The following UNC13B variants were observed in gnomAD, a reference collection of about 807,000 sequenced individuals.
UNC13B encodes unc-13 homolog B.
In UNC13B, 144 loss-of-function variants were observed where a neutral mutation model predicts 211.0. That is an observed-to-expected ratio of 0.68 (90% CI 0.60 to 0.78). UNC13B has a LOEUF of 0.78. Among genes scored for constraint, UNC13B ranks in the 30% least tolerant of loss-of-function variants. The pLI, the probability that UNC13B is intolerant of heterozygous loss-of-function variation, is 0.00. For synonymous variants in UNC13B, 709 were observed against 725.8 expected, an observed-to-expected ratio of 0.98 and a Z score of 0.37; for missense variants, 1,777 against 2,002.0, an observed-to-expected ratio of 0.89 and a Z score of 2.14.
intron 13 of UNC13B, chr9:35,371,839 T>C (rs1834146257): frequency 6.5e-6 from 1 of 152,686 alleles, no homozygotes; most frequent in African/African-American, 2.4e-5. Context: ...TGCTTTGGAC[T>C]ATAGGGAAGA....
intron 7 of UNC13B, among the ~76,000 whole-genome samples, chr9:35,277,681 A>G (rs1828254549): frequency 1.3e-5 from 2 of 152,120 alleles, no homozygotes; most frequent in African/African-American, 4.8e-5. Flanking sequence ...AGAGGCTAGG[A>G]AAGAATTAAT....
At chr9:35,183,980 GCTCCTCACCTCCCAGACGGGGCAGCCA>G (rs1822173702) in intron 1 of UNC13B, among the ~76,000 whole-genome samples, 1 of 143,800 alleles carries the variant, frequency 7.0e-6, no homozygotes, top group African/African-American at 2.6e-5. Context: ...GGGCAGAGGC[GCTCCTCACCTCCCAGACGGGGCAGCCA>G]GGCAGAGGCG....
At chr9:35,295,460 A>G (rs565336555) in intron 7 of UNC13B, among the ~76,000 whole-genome samples, 1 of 152,324 alleles carries the variant, frequency 6.6e-6, no homozygotes, top group South Asian at 2.1e-4. Context: ...AGCTCCTCTA[A>G]GAATAAGCAC....
intron 1 of UNC13B, among the ~76,000 whole-genome samples, chr9:35,210,084 A>C (rs775389337): frequency 6.6e-6 from 1 of 151,568 alleles, no homozygotes; most frequent in Non-Finnish European, 1.5e-5. Flanking sequence ...TAAAAAAAAA[A>C]TTTTTTTTTC....
chr9:35,342,729 A>T (rs1832083422), intron 11 of UNC13B, among the ~76,000 whole-genome samples: 1 of 152,206 alleles, frequency 6.6e-6, no homozygotes, highest in Non-Finnish European at 1.5e-5. Context: ...TAGACAACTC[A>T]TTCATCCAGC....
chr9:35,355,326 TTC>T (rs1832960476), intron 11 of UNC13B, among the ~76,000 whole-genome samples: 1 of 152,316 alleles, frequency 6.6e-6, no homozygotes, highest in African/African-American at 2.4e-5. Context: ...AGGGAGATTT[TTC>T]TCTGTGTGCC....
rs1381999501 is a variant in UNC13B at position 35,385,356 on chromosome 9, T to C, written c.10876-368T>C. On this transcript the variant is annotated intron_variant, in intron 22 of 39. Transcript: ENST00000635942. ...TTATATTCCAGGATATACAGTTAGA[T>C]TGTAATTTTCGAAGAACTCACTGTT... 6 of 985,446 alleles carry C rather than the reference T, an allele frequency of 6.1e-6. No homozygotes were observed. The East Asian group carries it at 6.8e-4, about 112-fold the overall frequency. 61.0% of individuals were successfully genotyped at this position (985,446 alleles called of 1,614,324 possible). A position where few individuals can be genotyped will look rare whatever the true frequency, so the allele number is the denominator to read the frequency against.
Position 35,404,338 on chromosome 9 carries a change from C to T in UNC13B, c.*305C>T. ...TCAGCCATTCTTGGTAGACACCTCT[C>T]CACTCCTCATCCCACCTCTACCCAT... On this transcript the variant is annotated 3_prime_UTR_variant, in exon 40 of 40. Transcript: ENST00000635942. 2.5e-6 allele frequency: 1 copy of T among 407,566 alleles called. No homozygotes were observed. The highest frequency in any genetic ancestry group is 4.5e-6 in the Non-Finnish European group (1 of 221,594). 25.2% of individuals were successfully genotyped at this position (407,566 alleles called of 1,614,324 possible).
chr9:35,372,775 AG>A (rs1348024129), intron 13 of UNC13B, among the ~76,000 whole-genome samples: 1 of 8,522 alleles, frequency 1.2e-4, no homozygotes, highest in African/African-American at 5.0e-4. Flanking sequence ...GAGTGTGGCT[AG>A]CAAGGCAGCC....
At chr9:35,236,397 G>A (rs1825511396) in intron 3 of UNC13B, 72 bp from the exon 4 acceptor site, 3 of 1,255,506 alleles carry the variant, frequency 2.4e-6, no homozygotes, top group Non-Finnish European at 3.4e-6. Flanking sequence ...TCAAAGTTTA[G>A]CAAAACAGGA....
chr9:35,360,621 G>A (rs1344787368), intron 11 of UNC13B: 1 of 152,164 alleles, frequency 6.6e-6, no homozygotes, highest in African/African-American at 2.4e-5. Context: ...AGTGCCTAGT[G>A]TGCACATTAG....
At position 35,328,912 on chromosome 9, in the gene UNC13B, C is replaced by T. The variant is rs560390615; in HGVS notation, c.9414+14923C>T. Among the ~76,000 whole-genome samples the T allele has an allele frequency of 1.9e-4, 29 of 151,730 alleles. 1 individual carries two copies. In the South Asian group the frequency reaches 4.8e-3, roughly 25 times the overall value. ...CCTCCCGAGTAGCTGGGACTACAGG[C>T]GCCTGCCACCATGCCTGGCTAATTT... On this transcript the variant is annotated intron_variant, in intron 11 of 39. Transcript: ENST00000635942.
chr9:35,258,957 G>GTATT (rs1827096936), intron 6 of UNC13B, 36 bp from the exon 7 acceptor site: 4 of 1,596,896 alleles, frequency 2.5e-6, no homozygotes, highest in South Asian at 1.1e-5. Context: ...GCTTCTGATT[G>GTATT]TATTTATTTA....
intron 10 of UNC13B, 76 bp downstream of exon 10, chr9:35,310,857 T>C: frequency 1.4e-6 from 2 of 1,396,050 alleles, no homozygotes; most frequent in South Asian, 2.7e-5. Context: ...AAATAAGTGA[T>C]TGTCATTTGT....
intron 11 of UNC13B, among the ~76,000 whole-genome samples, chr9:35,332,511 G>T (rs1228479221): frequency 6.6e-6 from 1 of 152,192 alleles, no homozygotes; most frequent in African/African-American, 2.4e-5. Context: ...TCATTTGCCA[G>T]CTCTTGCTCT....
chr9:35,390,608 G>A (rs1487221745), intron 25 of UNC13B, 21 bp from the exon 26 acceptor site: 2 of 1,612,822 alleles, frequency 1.2e-6, no homozygotes, highest in Admixed American at 1.7e-5. Context: ...TTCTCTGACT[G>A]TGGTTTCTTC....
In UNC13B at chr9:35,184,314, C is replaced by T. The variant is rs553447901; in HGVS notation, c.22+22009C>T. ...CCCACTTCCCAGACGGGGTGGTGGC[C>T]GGGCAGAGGCTGTAATCTTAGCACT... is the stretch of plus-strand genomic sequence containing the variant. On this transcript the variant is annotated intron_variant, in intron 1 of 39. Transcript: ENST00000635942. Among the ~76,000 whole-genome samples the T allele has an allele frequency of 5.1e-3, 773 of 152,244 alleles. 3 individuals carry two copies. The highest frequency in any genetic ancestry group is 8.8e-3 in the Non-Finnish European group (599 of 68,012).
At chr9:35,309,176 A>G (rs1830063579) in intron 9 of UNC13B, among the ~76,000 whole-genome samples, 1 of 151,746 alleles carries the variant, frequency 6.6e-6, no homozygotes, top group Non-Finnish European at 1.5e-5. Flanking sequence ...TAAGAATGCT[A>G]CCTTGACCTC....
intron 1 of UNC13B, among the ~76,000 whole-genome samples, chr9:35,209,048 CT>C (rs1172873563): frequency 6.6e-6 from 1 of 152,020 alleles, no homozygotes; most frequent in Non-Finnish European, 1.5e-5. Flanking sequence ...TTATGCTTTC[CT>C]TTCCACTTTG....
Sources: allele counts gnomAD v4.1 joint callset (sites outside exome capture counted in the v4.1 genomes callset), GRCh38; gene constraint gnomAD v4.1.1; transcripts MANE v1.5; gene names NCBI Gene and HGNC (gene_info 2026-07-23, HGNC 2026-07-21).